The following SPAG16 variants were observed in gnomAD, a reference collection of about 807,000 sequenced individuals.
The protein encoded by SPAG16 is sperm associated antigen 16.
In SPAG16, 86 loss-of-function variants were observed where a neutral mutation model predicts 80.4. That is an observed-to-expected ratio of 1.07 (90% CI 0.90 to 1.28). The LOEUF is 1.28. Among genes scored for constraint, SPAG16 ranks in the 50% most tolerant of loss-of-function variants. The pLI, the probability that SPAG16 is intolerant of heterozygous loss-of-function variation, is 0.00. For missense variants in SPAG16, 870 were observed against 765.3 expected, an observed-to-expected ratio of 1.14 and a Z score of -1.61; for synonymous variants, 294 against 265.9, an observed-to-expected ratio of 1.11 and a Z score of -1.03.
intron 15 of SPAG16, among the ~76,000 whole-genome samples, chr2:214,389,363 G>A (rs1040342773): frequency 6.6e-6 from 1 of 152,202 alleles, no homozygotes; most frequent in East Asian, 1.9e-4. Flanking sequence ...GTATTTTCCA[G>A]CAGGAGACTC....
chr2:213,418,519 T>TA (rs2069401925), intron 9 of SPAG16, among the ~76,000 whole-genome samples: 1 of 152,246 alleles, frequency 6.6e-6, no homozygotes. Context: ...AGCTGTTTGT[T>TA]ATTCTCTAAT....
chr2:214,029,832 AT>A (rs1398195770), intron 13 of SPAG16, among the ~76,000 whole-genome samples: 8 of 152,226 alleles, frequency 5.3e-5, no homozygotes, highest in African/African-American at 1.7e-4. Context: ...GGTGTAATTG[AT>A]TTGGTTTATT....
intron 12 of SPAG16, among the ~76,000 whole-genome samples, chr2:213,961,633 A>G (rs1445494613): frequency 2.6e-5 from 4 of 151,228 alleles, no homozygotes; most frequent in South Asian, 2.1e-4. Context: ...TTCAGGGTCA[A>G]TTAAAATTAT....
At chr2:213,746,347 A>G (rs2125471246) in intron 10 of SPAG16, among the ~76,000 whole-genome samples, 1 of 152,296 alleles carries the variant, frequency 6.6e-6, no homozygotes, top group Non-Finnish European at 1.5e-5. Context: ...ATTTTGGTCA[A>G]TGATGAACCA....
chr2:213,677,260 C>T (rs1471954307), intron 10 of SPAG16, among the ~76,000 whole-genome samples: 2 of 151,766 alleles, frequency 1.3e-5, no homozygotes, highest in Non-Finnish European at 2.9e-5. Context: ...CAAATTCACA[C>T]ATAACAATAT....
At chr2:213,949,918 G>C (rs1047714498) in intron 12 of SPAG16, among the ~76,000 whole-genome samples, 2 of 152,310 alleles carry the variant, frequency 1.3e-5, no homozygotes, top group Admixed American at 1.3e-4. Flanking sequence ...GTATACTTCA[G>C]TGAGTACAAT....
chr2:214,119,764 C>T (rs141455567), intron 14 of SPAG16, among the ~76,000 whole-genome samples: 138 of 152,014 alleles, frequency 9.1e-4, no homozygotes, highest in African/African-American at 3.1e-3. Flanking sequence ...ATCTTGCTAA[C>T]GATAGTCTCT....
intron 10 of SPAG16, among the ~76,000 whole-genome samples, chr2:213,527,766 C>G (rs1422674403): frequency 6.6e-6 from 1 of 152,020 alleles, no homozygotes; most frequent in Non-Finnish European, 1.5e-5. Flanking sequence ...AAAAATAGAT[C>G]AGGAGATACA....
intron 3 of SPAG16, 137 bp downstream of exon 3, chr2:213,297,494 T>C (rs559067041): frequency 1.9e-6 from 1 of 521,252 alleles, no homozygotes; most frequent in African/African-American, 2.0e-5. Context: ...TTATTTGTGA[T>C]CAAGCCTTCA....
chr2:214,303,925 G>C (rs1377179966), intron 15 of SPAG16, among the ~76,000 whole-genome samples: 1 of 152,088 alleles, frequency 6.6e-6, no homozygotes, highest in Non-Finnish European at 1.5e-5. Flanking sequence ...TTGTATCATG[G>C]TGGTTTGTTT....
chr2:213,489,980 A>G lies in SPAG16; in HGVS notation c.960A>G (p.Ile320Met). 1.2e-6 allele frequency: 2 copies of G among 1,604,696 alleles called. No individual in the cohort carries two copies. The highest frequency in any genetic ancestry group is 1.7e-6 in the Non-Finnish European group (2 of 1,176,730). ...KGNTKDSEFP[I>M]DMQPNPNLNV... ...TTCTCTAGGATTCAGAATTTCCCAT[A>G]GATATGCAACCAAATCCAAACCTGA... Residue 320 changes from isoleucine to methionine, a missense_variant, in exon 10 of 16, where the codon ATA becomes ATG. Coordinates refer to ENST00000331683, the MANE Select transcript of SPAG16 (RefSeq NM_024532.5).
intron 12 of SPAG16, among the ~76,000 whole-genome samples, chr2:213,933,423 A>G (rs902826605): frequency 6.6e-6 from 1 of 152,184 alleles, no homozygotes; most frequent in African/African-American, 2.4e-5. Flanking sequence ...ATAATATCAG[A>G]TCAGGTATTC....
chr2:214,162,478 A>G (rs2056478802), intron 15 of SPAG16, among the ~76,000 whole-genome samples: 1 of 149,946 alleles, frequency 6.7e-6, no homozygotes, highest in Non-Finnish European at 1.5e-5. Context: ...GGGAAGAAGT[A>G]AGTACTGGGA....
intron 10 of SPAG16, among the ~76,000 whole-genome samples, chr2:213,731,202 G>A (rs1319596502): frequency 7.2e-6 from 1 of 139,466 alleles, no homozygotes; most frequent in African/African-American, 2.7e-5. Flanking sequence ...TGTTGCCCAG[G>A]CTGGAGTGTA....
At chr2:213,527,977 A>G (rs2075947970) in intron 10 of SPAG16, among the ~76,000 whole-genome samples, 1 of 152,340 alleles carries the variant, frequency 6.6e-6, no homozygotes, top group South Asian at 2.1e-4. Flanking sequence ...AAAATCAATA[A>G]AAATATAAAA....
At chr2:214,178,198 G>T (rs1010892582) in intron 15 of SPAG16, among the ~76,000 whole-genome samples, 5 of 149,810 alleles carry the variant, frequency 3.3e-5, no homozygotes, top group African/African-American at 1.2e-4. Flanking sequence ...AGAATAAAAC[G>T]TTCTTATTTG....
intron 14 of SPAG16, among the ~76,000 whole-genome samples, chr2:214,131,589 T>C (rs2054781435): frequency 6.6e-6 from 1 of 151,338 alleles, no homozygotes; most frequent in Admixed American, 6.6e-5. Context: ...ATAGAGAAAG[T>C]ATGGTACATC....
chr2:213,497,673 A>G (rs1243550915), intron 10 of SPAG16, among the ~76,000 whole-genome samples: 1 of 152,096 alleles, frequency 6.6e-6, no homozygotes, highest in African/African-American at 2.4e-5. Context: ...CCATACTATA[A>G]TTATATATAG....
intron 15 of SPAG16, among the ~76,000 whole-genome samples, chr2:214,297,375 T>G (rs935122037): frequency 6.6e-6 from 1 of 152,168 alleles, no homozygotes; most frequent in African/African-American, 2.4e-5. Context: ...CATAAATTCT[T>G]TGCTTAGGCC....
Sources: gnomAD v4.1 joint callset for allele counts (sites outside exome capture counted in the v4.1 genomes callset) on GRCh38, gnomAD v4.1.1 for gene constraint, MANE v1.5 for transcripts, NCBI Gene and HGNC (gene_info 2026-07-23, HGNC 2026-07-21) for gene names.